The following PTPRR variants were observed in gnomAD, a reference collection of about 807,000 sequenced individuals.
The protein encoded by PTPRR is protein tyrosine phosphatase receptor type R.
In PTPRR, 38 loss-of-function variants were observed where a neutral mutation model predicts 77.2. The observed-to-expected ratio is 0.49, with a 90% CI of 0.38 to 0.65. The LOEUF (loss-of-function observed/expected upper bound fraction) is 0.65, where lower values mean the gene tolerates loss of function less well. Among genes scored for constraint, PTPRR ranks in the 30% least tolerant of loss-of-function variants. The probability of loss-of-function intolerance (pLI) is 0.00; values close to 1 mark genes in which losing one functional copy is unlikely to be tolerated. For missense variants in PTPRR, 744 were observed against 799.2 expected, an observed-to-expected ratio of 0.93 and a Z score of 0.83; for synonymous variants, 299 against 283.1, an observed-to-expected ratio of 1.06 and a Z score of -0.57.
intron 2 of PTPRR, among the ~76,000 whole-genome samples, chr12:70,792,829 A>G (rs1467336241): frequency 6.6e-6 from 1 of 152,204 alleles, no homozygotes; most frequent in Non-Finnish European, 1.5e-5. Flanking sequence ...TGAGGCACTA[A>G]GAATAATGAG....
chr12:70,916,716 T>A (rs754851461), intron 1 of PTPRR, among the ~76,000 whole-genome samples: 1 of 152,180 alleles, frequency 6.6e-6, no homozygotes, highest in South Asian at 2.1e-4. Context: ...TTGAGGGTGG[T>A]ACTTCTGCAA....
intron 2 of PTPRR, among the ~76,000 whole-genome samples, chr12:70,803,066 A>G (rs1346466404): frequency 3.3e-5 from 5 of 152,310 alleles, no homozygotes; most frequent in South Asian, 2.1e-4. Context: ...TATCTTCAAA[A>G]CCCAAATTTA....
chr12:70,913,345 G>A (rs1378548364), intron 1 of PTPRR, among the ~76,000 whole-genome samples: 1 of 152,086 alleles, frequency 6.6e-6, no homozygotes, highest in Non-Finnish European at 1.5e-5. Flanking sequence ...GAGAAAAGGA[G>A]GGTTGAATAA....
chr12:70,826,843 T>C (rs930905938), intron 2 of PTPRR, among the ~76,000 whole-genome samples: 2 of 152,164 alleles, frequency 1.3e-5, no homozygotes, highest in African/African-American at 4.8e-5. Context: ...CAAGGCTCTA[T>C]TGGATCTGAT....
At chr12:70,693,989 G>T (rs777773632) in intron 8 of PTPRR, among the ~76,000 whole-genome samples, 1 of 151,938 alleles carries the variant, frequency 6.6e-6, no homozygotes, top group Non-Finnish European at 1.5e-5. Flanking sequence ...TAATTTTCTC[G>T]GTAGCCTTGT....
chr12:70,640,563 T>C (rs1343716732), intron 13 of PTPRR, among the ~76,000 whole-genome samples: 1 of 152,220 alleles, frequency 6.6e-6, no homozygotes, highest in Non-Finnish European at 1.5e-5. Flanking sequence ...TCGGTAACTA[T>C]TTAAAGTCTT....
At chr12:70,796,015 C>T (rs1891507605) in intron 2 of PTPRR, among the ~76,000 whole-genome samples, 1 of 138,934 alleles carries the variant, frequency 7.2e-6, no homozygotes, top group Non-Finnish European at 1.5e-5. Flanking sequence ...CTTCTGCCTC[C>T]AGGGTTCAAG....
At chr12:70,827,183 G>T (rs1354890364) in intron 2 of PTPRR, among the ~76,000 whole-genome samples, 1 of 152,164 alleles carries the variant, frequency 6.6e-6, no homozygotes, top group Non-Finnish European at 1.5e-5. Context: ...AGGTTTAGTT[G>T]TTTATTTTCT....
chr12:70,683,674 A>C (rs1887756149), intron 10 of PTPRR, among the ~76,000 whole-genome samples: 1 of 152,044 alleles, frequency 6.6e-6, no homozygotes, highest in African/African-American at 2.4e-5. Context: ...ACTATTTATA[A>C]GTTTATTATG....
At chr12:70,645,156 A>G (rs1886150520) in intron 13 of PTPRR, among the ~76,000 whole-genome samples, 1 of 152,192 alleles carries the variant, frequency 6.6e-6, no homozygotes, top group South Asian at 2.1e-4. Context: ...CTAGATGCCA[A>G]TCCCAGCTTT....
At chr12:70,705,947 C>A (rs942327638) in intron 6 of PTPRR, among the ~76,000 whole-genome samples, 1 of 151,976 alleles carries the variant, frequency 6.6e-6, no homozygotes, top group Non-Finnish European at 1.5e-5. Context: ...TGACCTTAAA[C>A]CCTCTCACCC....
intron 2 of PTPRR, among the ~76,000 whole-genome samples, chr12:70,819,220 C>A (rs1425425129): frequency 6.6e-6 from 1 of 152,186 alleles, no homozygotes; most frequent in Non-Finnish European, 1.5e-5. Flanking sequence ...ACTCCGGAGG[C>A]TGAGGCATGA....
At chr12:70,696,177 ATT>A (rs35849407) in intron 8 of PTPRR, among the ~76,000 whole-genome samples, 3 of 141,894 alleles carry the variant, frequency 2.1e-5, no homozygotes, top group Non-Finnish European at 1.5e-5. Flanking sequence ...CTTCCTCTCC[ATT>A]TTTTTTTTTT....
At chr12:70,732,368 A>G (rs1168267453) in intron 6 of PTPRR, among the ~76,000 whole-genome samples, 1 of 152,206 alleles carries the variant, frequency 6.6e-6, no homozygotes, top group Admixed American at 6.5e-5. Context: ...TCAGAAGATC[A>G]TATTCACAGC....
intron 8 of PTPRR, among the ~76,000 whole-genome samples, chr12:70,691,167 G>T (rs1888042584): frequency 6.6e-6 from 1 of 152,100 alleles, no homozygotes; most frequent in Non-Finnish European, 1.5e-5. Context: ...TGTACACTGT[G>T]ATCTATCCTA....
At chr12:70,648,875 GAA>G (rs10706851) in intron 13 of PTPRR, among the ~76,000 whole-genome samples, 2,318 of 147,176 alleles carry the variant, frequency 0.016, 68 homozygotes, top group African/African-American at 0.053. Flanking sequence ...CTCCTACTTG[GAA>G]AAAAAAAAAG....
In PTPRR at chr12:70,826,506, T is replaced by C. The variant is rs191449909; in HGVS notation, c.358-61728A>G. On this transcript the variant is annotated intron_variant, in intron 2 of 13. Coordinates refer to ENST00000283228, the MANE Select transcript of PTPRR (RefSeq NM_002849.4). ...CTTAGGAAACACTTGCTATAAATCA[T>C]ATAGAACCAAGAATCCAGCCCCATG... is the stretch of plus-strand genomic sequence containing the variant. Among the ~76,000 whole-genome samples, 10 of 152,232 alleles carry C rather than the reference T, an allele frequency of 6.6e-5. No individual in the cohort carries two copies. In the East Asian group the frequency reaches 1.2e-3, roughly 18 times the overall value.
intron 8 of PTPRR, among the ~76,000 whole-genome samples, chr12:70,687,175 T>C (rs1249574346): frequency 6.6e-6 from 1 of 151,962 alleles, no homozygotes; most frequent in Non-Finnish European, 1.5e-5. Context: ...TCACCCAAGG[T>C]CACACAGTAA....
chr12:70,917,248 A>G (rs1893788336), intron 1 of PTPRR, among the ~76,000 whole-genome samples: 1 of 152,170 alleles, frequency 6.6e-6, no homozygotes, highest in South Asian at 2.1e-4. Flanking sequence ...TGGTTCACGA[A>G]AGAGTAAAGA....
Sources: gnomAD v4.1 joint callset for allele counts (sites outside exome capture counted in the v4.1 genomes callset) on GRCh38, gnomAD v4.1.1 for gene constraint, MANE v1.5 for transcripts, NCBI Gene and HGNC (gene_info 2026-07-23, HGNC 2026-07-21) for gene names.